SPIDR: variants seen among roughly 807,000 people sequenced by gnomAD.
SPIDR encodes the protein DNA repair-scaffolding protein.
SPIDR carries 93 observed loss-of-function variants against 104.6 expected under a neutral mutation model. The observed-to-expected ratio is 0.89, with a 90% confidence interval of 0.75 to 1.06. SPIDR has a LOEUF of 1.06. SPIDR is among the 50% of genes least tolerant of loss of function. The pLI, the probability that SPIDR is intolerant of heterozygous loss-of-function variation, is 0.00. For synonymous variants in SPIDR, 431 were observed against 416.9 expected (o/e 1.03, Z -0.41); for missense variants, 1,154 against 1,111.2 (o/e 1.04, Z -0.55).
chr8:47,563,936 A>G (rs955241488), intron 8 of SPIDR, among the ~76,000 whole-genome samples: 12 of 152,196 alleles, frequency 7.9e-5, no homozygotes, highest in African/African-American at 2.9e-4. Flanking sequence ...TTTCCTGTTC[A>G]GTCTGAGGTT....
chr8:47,400,026 G>A (rs1194568138), intron 6 of SPIDR, among the ~76,000 whole-genome samples: 1 of 152,160 alleles, frequency 6.6e-6, no homozygotes, highest in Non-Finnish European at 1.5e-5. Context: ...CAGCAAGAAT[G>A]GTGGCCATAA....
intron 11 of SPIDR, among the ~76,000 whole-genome samples, chr8:47,681,397 T>C (rs890199144): frequency 1.3e-5 from 2 of 152,126 alleles, no homozygotes; most frequent in Non-Finnish European, 2.9e-5. Flanking sequence ...ACATAGAGCA[T>C]TTTAGAAGGT....
At chr8:47,393,737 C>CTTCT (rs2060906343) in intron 5 of SPIDR, among the ~76,000 whole-genome samples, 6 of 108,616 alleles carry the variant, frequency 5.5e-5, no homozygotes, top group Admixed American at 1.3e-4. Context: ...CCTTTCCTTC[C>CTTCT]TTTCATTCTT....
chr8:47,494,357 A>G (rs1194782931), intron 8 of SPIDR, among the ~76,000 whole-genome samples: 1 of 151,162 alleles, frequency 6.6e-6, no homozygotes, highest in Non-Finnish European at 1.5e-5. Context: ...TGGCACCATC[A>G]CAGCTCACTG....
chr8:47,551,013 T>C (rs2090370515), intron 8 of SPIDR, among the ~76,000 whole-genome samples: 3 of 152,218 alleles, frequency 2.0e-5, no homozygotes, highest in South Asian at 4.1e-4. Context: ...CTTTTCTGCA[T>C]CTATTGAGAT....
At chr8:47,371,835 T>C (rs1392981571) in intron 5 of SPIDR, among the ~76,000 whole-genome samples, 7 of 152,178 alleles carry the variant, frequency 4.6e-5, no homozygotes, top group African/African-American at 1.7e-4. Context: ...GACAGAAATC[T>C]TCTGCTTGGA....
At position 47,403,050 on chromosome 8, in the gene SPIDR, T is replaced by C. The variant is rs1473095818; in HGVS notation, c.777-4811T>C. On this transcript the variant is annotated intron_variant, in intron 6 of 19. Coordinates refer to ENST00000297423, the MANE Select transcript of SPIDR (RefSeq NM_001080394.4). ...CCTGGGATGCAAGGGTGGTTCAGCA[T>C]ACGCAAATCAGTAAACGTAATCCAT... 2.0e-5 allele frequency among the ~76,000 whole-genome samples: 3 copies of C among 152,200 alleles called. No individual in the cohort carries two copies. The South Asian group carries it at 6.2e-4, about 32-fold the overall frequency.
intron 6 of SPIDR, among the ~76,000 whole-genome samples, chr8:47,402,283 C>G (rs1563860687): frequency 6.6e-6 from 1 of 152,112 alleles, no homozygotes; most frequent in African/African-American, 2.4e-5. Flanking sequence ...CCTAACATCA[C>G]AATTAACAGA....
At chr8:47,284,906 T>C (rs1260789168) in intron 3 of SPIDR, among the ~76,000 whole-genome samples, 3 of 152,174 alleles carry the variant, frequency 2.0e-5, no homozygotes, top group African/African-American at 7.2e-5. Flanking sequence ...GGATATCAGG[T>C]AGGCCGCTGG....
At chr8:47,300,072 G>A (rs1554576192) in intron 5 of SPIDR, among the ~76,000 whole-genome samples, 2 of 152,130 alleles carry the variant, frequency 1.3e-5, no homozygotes, top group African/African-American at 2.4e-5. Flanking sequence ...CTGTGAATCC[G>A]TCTGGTCCTG....
At chr8:47,586,764 TTTG>T (rs1006897221) in intron 8 of SPIDR, among the ~76,000 whole-genome samples, 3 of 152,184 alleles carry the variant, frequency 2.0e-5, no homozygotes, top group African/African-American at 7.2e-5. Flanking sequence ...TCAAGTTTTT[TTTG>T]TTGTTGTTAG....
intron 5 of SPIDR, among the ~76,000 whole-genome samples, chr8:47,314,181 A>G (rs1033511438): frequency 4.5e-4 from 69 of 152,222 alleles, no homozygotes; most frequent in African/African-American, 1.6e-3. Context: ...ATGAAGGGGT[A>G]GAATTAGCTT....
chr8:47,701,623 C>A, intron 12 of SPIDR, 98 bp from the exon 13 acceptor site: 2 of 1,233,596 alleles, frequency 1.6e-6, no homozygotes, highest in Non-Finnish European at 2.3e-6. Flanking sequence ...CACCTGTAAG[C>A]AAATATGTAT....
At chr8:47,402,509 G>A (rs2062048235) in intron 6 of SPIDR, among the ~76,000 whole-genome samples, 1 of 152,152 alleles carries the variant, frequency 6.6e-6, no homozygotes, top group South Asian at 2.1e-4. Context: ...AATAAAAAAT[G>A]ATAAAGGGAA....
At chr8:47,630,837 G>A (rs992750237) in intron 10 of SPIDR, among the ~76,000 whole-genome samples, 1 of 152,142 alleles carries the variant, frequency 6.6e-6, no homozygotes, top group Non-Finnish European at 1.5e-5. Context: ...CCTGGTTCTT[G>A]TTCACATGGG....
chr8:47,461,180 G>A (rs1564032965), intron 8 of SPIDR, among the ~76,000 whole-genome samples: 1 of 152,156 alleles, frequency 6.6e-6, no homozygotes, highest in Non-Finnish European at 1.5e-5. Context: ...TCTTGTATTT[G>A]GATGTCTAGA....
intron 8 of SPIDR, among the ~76,000 whole-genome samples, chr8:47,463,434 C>T (rs536612571): frequency 6.6e-6 from 1 of 151,784 alleles, no homozygotes; most frequent in Non-Finnish European, 1.5e-5. Flanking sequence ...TGAGTAAATT[C>T]TACCAAACAT....
At chr8:47,317,665 C>A (rs1015503972) in intron 5 of SPIDR, among the ~76,000 whole-genome samples, 5 of 152,024 alleles carry the variant, frequency 3.3e-5, no homozygotes, top group African/African-American at 2.4e-5. Context: ...GGTCCCTGAC[C>A]CCCCCGAGTA....
intron 8 of SPIDR, among the ~76,000 whole-genome samples, chr8:47,556,256 A>T (rs1471978554): frequency 6.6e-6 from 1 of 152,152 alleles, no homozygotes; most frequent in African/African-American, 2.4e-5. Context: ...GGCTGGCTGG[A>T]TGTGCAATTT....
Sources: gnomAD v4.1 joint callset for allele counts (sites outside exome capture counted in the v4.1 genomes callset) on GRCh38, gnomAD v4.1.1 for gene constraint, MANE v1.5 for transcripts, NCBI Gene and HGNC (gene_info 2026-07-23, HGNC 2026-07-21) for gene names.